Variants in ANKRD31 observed in about 807,000 individuals in gnomAD.
ANKRD31 encodes the protein ankyrin repeat domain 31, also known as ankyrin repeat domain-containing protein 31.
Under a neutral mutation model 186.0 loss-of-function variants are expected in ANKRD31, and 147 were observed. The observed-to-expected ratio is 0.79, with a 90% CI of 0.69 to 0.91. ANKRD31 has a LOEUF of 0.91. ANKRD31 is among the 40% of genes least tolerant of loss of function. ANKRD31 has a pLI of 0.00. For synonymous variants in ANKRD31, 673 were observed against 736.4 expected (o/e 0.91, Z 1.39); for missense variants, 1,986 against 2,148.8 (o/e 0.92, Z 1.50).
At chr5:75,090,784 T>C (rs1745866511) in intron 23 of ANKRD31, among the ~76,000 whole-genome samples, 1 of 152,190 alleles carries the variant, frequency 6.6e-6, no homozygotes, top group South Asian at 2.1e-4. Flanking sequence ...TAAGGACATG[T>C]TCAAACATAA....
intron 10 of ANKRD31, among the ~76,000 whole-genome samples, chr5:75,184,505 G>A: frequency 6.6e-6 from 1 of 151,918 alleles, no homozygotes; most frequent in Non-Finnish European, 1.5e-5. Context: ...TCTGACAAGG[G>A]GTTAATATGC....
At chr5:75,231,227 G>A (rs1757934504) in intron 1 of ANKRD31, among the ~76,000 whole-genome samples, 1 of 151,470 alleles carries the variant, frequency 6.6e-6, no homozygotes, top group African/African-American at 2.4e-5. Context: ...GCACCACCAT[G>A]CCTGGCTATT....
intron 6 of ANKRD31, among the ~76,000 whole-genome samples, chr5:75,197,456 T>A (rs560551881): frequency 1.3e-5 from 2 of 152,206 alleles, no homozygotes; most frequent in Non-Finnish European, 2.9e-5. Flanking sequence ...TAATCTGGTA[T>A]GAGTGAGAGA....
chr5:75,227,344 T>A (rs1268069024), intron 2 of ANKRD31, among the ~76,000 whole-genome samples: 1 of 152,076 alleles, frequency 6.6e-6, no homozygotes, highest in Non-Finnish European at 1.5e-5. Flanking sequence ...AAAGAATGAA[T>A]AAGACCTACT....
intron 25 of ANKRD31, among the ~76,000 whole-genome samples, chr5:75,071,842 G>A (rs1744256480): frequency 6.6e-6 from 1 of 152,148 alleles, no homozygotes; most frequent in South Asian, 2.1e-4. Context: ...ATTAGGGATA[G>A]GGCAGGAATC....
Position 75,230,606 on chromosome 5 carries a change from T to G in ANKRD31, c.134A>C (p.Lys45Thr). 3 of 1,537,012 alleles carry G rather than the reference T, an allele frequency of 2.0e-6. No homozygotes were observed. The highest frequency in any genetic ancestry group is 2.6e-6 in the Non-Finnish European group (3 of 1,146,778). ...RLLFDQDASLKSEFSLHPDTR... is the reference protein window; with the variant it reads ...RLLFDQDASLTSEFSLHPDTR... ...ATCAGGATGCAGACTGAACTCAGATTTAAGAGATGCGTCTTGATCAAACAG... is the reference window on the plus strand; with the variant it reads ...ATCAGGATGCAGACTGAACTCAGATGTAAGAGATGCGTCTTGATCAAACAG... The change falls in exon 2 of 26, where the codon AAA becomes ACA. Residue 45 changes from lysine to threonine, a missense_variant. By Grantham distance (78) the Lys-to-Thr change is moderately conservative (BLOSUM62 -1). Coordinates refer to ENST00000506364, the MANE Select transcript of ANKRD31 (RefSeq NM_001372053.1).
At chr5:75,113,840 C>T (rs1275459439) in intron 19 of ANKRD31, among the ~76,000 whole-genome samples, 1 of 152,118 alleles carries the variant, frequency 6.6e-6, no homozygotes, top group Non-Finnish European at 1.5e-5. Flanking sequence ...CCGCTTCATA[C>T]AGTGAATGAT....
At chr5:75,078,755 T>C (rs1410133120) in intron 25 of ANKRD31, among the ~76,000 whole-genome samples, 2 of 152,214 alleles carry the variant, frequency 1.3e-5, no homozygotes, top group Non-Finnish European at 2.9e-5. Flanking sequence ...TGATAACAAA[T>C]AATGTAGAAA....
chr5:75,176,061 A>C (rs566392194), intron 10 of ANKRD31, among the ~76,000 whole-genome samples: 1 of 152,332 alleles, frequency 6.6e-6, no homozygotes, highest in Admixed American at 6.5e-5. Context: ...CAACAGGCTT[A>C]ACAAACAGCA....
rs1346368325 is a variant in ANKRD31 at position 75,147,277 on chromosome 5, C to T, written c.2134G>A (p.Gly712Ser). 5.2e-6 allele frequency: 8 copies of T among 1,535,724 alleles called. No individual in the cohort carries two copies. Among genetic ancestry groups the T allele is most frequent in the Non-Finnish European group, 7.0e-6 (8 of 1,146,130 alleles). ...DQIYSTGLRK[G>S]NLHNVKDPNT... ...GGATCTTTGACGTTATGGAGATTGCCCTTTCTGAGTCCTGTAGAGTATATC... is the reference window on the plus strand; with the variant it reads ...GGATCTTTGACGTTATGGAGATTGCTCTTTCTGAGTCCTGTAGAGTATATC... Residue 712 changes from glycine to serine, a missense_variant, in exon 14 of 26, where the codon GGC becomes AGC. By Grantham distance (56) the Gly-to-Ser change is moderately conservative. Transcript: ENST00000506364.
In ANKRD31 at chr5:75,222,377, A is replaced by G; in HGVS notation, c.179-19T>C. Reference sequence around the variant, plus strand: ...GGCATGCCTAGAGTGAAACATAATCATAAATCATTTACAACAGTTTTATTG... The same window carrying G: ...GGCATGCCTAGAGTGAAACATAATCGTAAATCATTTACAACAGTTTTATTG... On this transcript the variant is annotated intron_variant, in intron 2 of 25. Transcript: ENST00000506364. 2 of 1,506,548 alleles carry G rather than the reference A, an allele frequency of 1.3e-6. No individual in the cohort carries two copies. Among genetic ancestry groups the G allele is most frequent in the Non-Finnish European group, 8.9e-7 (1 of 1,122,784 alleles). 93.3% of individuals were successfully genotyped at this position (1,506,548 alleles called of 1,614,324 possible).
At chr5:75,098,096 C>T (rs1746482610) in intron 22 of ANKRD31, among the ~76,000 whole-genome samples, 1 of 152,012 alleles carries the variant, frequency 6.6e-6, no homozygotes, top group Admixed American at 6.6e-5. Context: ...GCAATCTCGG[C>T]TCACTGCAAG....
intron 3 of ANKRD31, among the ~76,000 whole-genome samples, chr5:75,213,955 A>T (rs1756806336): frequency 6.6e-6 from 1 of 152,188 alleles, no homozygotes; most frequent in African/African-American, 2.4e-5. Context: ...CTACCTTCAC[A>T]TTTGGTAGAC....
intron 3 of ANKRD31, among the ~76,000 whole-genome samples, chr5:75,214,922 A>G (rs1415863044): frequency 6.6e-6 from 1 of 152,208 alleles, no homozygotes; most frequent in Non-Finnish European, 1.5e-5. Context: ...AGAGAAACAG[A>G]ACCAATGGGA....
intron 14 of ANKRD31, among the ~76,000 whole-genome samples, chr5:75,145,185 C>A (rs1751346699): frequency 6.6e-6 from 1 of 152,108 alleles, no homozygotes; most frequent in South Asian, 2.1e-4. Flanking sequence ...TACAGTGATT[C>A]CTCAAGGATC....
intron 10 of ANKRD31, among the ~76,000 whole-genome samples, chr5:75,185,229 T>C (rs1754621973): frequency 6.6e-6 from 1 of 151,954 alleles, no homozygotes; most frequent in Non-Finnish European, 1.5e-5. Flanking sequence ...GGGGAAAAAT[T>C]AGGAAGAGAC....
chr5:75,108,421 T>C (rs975345598), intron 20 of ANKRD31, among the ~76,000 whole-genome samples: 5 of 152,034 alleles, frequency 3.3e-5, no homozygotes, highest in Non-Finnish European at 7.4e-5. Flanking sequence ...TGATTACCCA[T>C]AAATGTGGGT....
intron 11 of ANKRD31, among the ~76,000 whole-genome samples, chr5:75,160,424 AAC>A (rs1752495653): frequency 6.6e-6 from 1 of 152,202 alleles, no homozygotes; most frequent in Admixed American, 6.5e-5. Flanking sequence ...AGGTGGGAAA[AAC>A]ACAAAAAGAT....
At chr5:75,102,066 T>A (rs1190948691) in intron 22 of ANKRD31, among the ~76,000 whole-genome samples, 1 of 152,264 alleles carries the variant, frequency 6.6e-6, no homozygotes, top group Non-Finnish European at 1.5e-5. Flanking sequence ...TGTGGTTTTA[T>A]CTACCTTTGG....
Sources: gnomAD v4.1 joint callset for allele counts (sites outside exome capture counted in the v4.1 genomes callset) on GRCh38, gnomAD v4.1.1 for gene constraint, MANE v1.5 for transcripts, NCBI Gene and HGNC (gene_info 2026-07-23, HGNC 2026-07-21) for gene names.